Variants in CACNA2D3 observed in about 807,000 individuals in gnomAD.
CACNA2D3 encodes voltage-dependent calcium channel subunit alpha-2/delta-3.
A neutral mutation model predicts 160.6 loss-of-function variants in CACNA2D3; 60 were observed. The ratio of observed to expected loss-of-function variants is 0.37; its 90% CI spans 0.30 to 0.46. The LOEUF is 0.46. Ranked by LOEUF, CACNA2D3 falls within the 20% of genes least tolerant of loss-of-function variation. The pLI is 1.00. For missense variants in CACNA2D3, 1,205 were observed against 1,365.0 expected (o/e 0.88, Z 1.85); for synonymous variants, 558 against 492.9 (o/e 1.13, Z -1.75).
intron 2 of CACNA2D3, among the ~76,000 whole-genome samples, chr3:54,266,302 T>A (rs1189887651): frequency 6.6e-6 from 1 of 152,160 alleles, no homozygotes; most frequent in African/African-American, 2.4e-5. Flanking sequence ...CCATAATAAA[T>A]TTACAAATAT....
intron 11 of CACNA2D3, among the ~76,000 whole-genome samples, chr3:54,651,487 G>A (rs1699763306): frequency 6.6e-6 from 1 of 151,944 alleles, no homozygotes; most frequent in South Asian, 2.1e-4. Flanking sequence ...CAGGGCTGCT[G>A]GAGGATCCTT....
intron 11 of CACNA2D3, among the ~76,000 whole-genome samples, chr3:54,665,869 A>T (rs1241071128): frequency 1.3e-5 from 2 of 150,880 alleles, no homozygotes; most frequent in Non-Finnish European, 2.9e-5. Flanking sequence ...CTGCACAATC[A>T]TGGCTCACTG....
At chr3:55,026,993 A>G (rs539883383) in intron 35 of CACNA2D3, among the ~76,000 whole-genome samples, 3 of 151,540 alleles carry the variant, frequency 2.0e-5, no homozygotes, top group South Asian at 2.1e-4. Flanking sequence ...GCATGCACGC[A>G]CACACACACA....
Position 54,752,649 on chromosome 3 carries a change from T to C in CACNA2D3, c.1218T>C (p.Asn406=). Residue 406 remains asparagine (N), a synonymous_variant, in exon 12 of 38, where the codon AAT becomes AAC. Coordinates refer to ENST00000474759, the MANE Select transcript of CACNA2D3 (RefSeq NM_018398.3). ...LIGREAAFAD[N]LKWMACANKG... Reference sequence around the variant, plus strand: ...GACGAGAGGCTGCGTTTGCAGACAATCTAAAGTGGATGGCCTGTGCCAACA... The same window carrying C: ...GACGAGAGGCTGCGTTTGCAGACAACCTAAAGTGGATGGCCTGTGCCAACA... 6.2e-7 allele frequency: 1 copy of C among 1,613,376 alleles called. No individual in the cohort carries two copies. The highest frequency in any genetic ancestry group is 8.5e-7 in the Non-Finnish European group (1 of 1,179,724).
intron 11 of CACNA2D3, among the ~76,000 whole-genome samples, chr3:54,702,503 C>A: frequency 6.6e-6 from 1 of 152,172 alleles, no homozygotes; most frequent in East Asian, 1.9e-4. Context: ...AAATGCTCAA[C>A]ATCACTAATG....
At chr3:54,553,277 A>G (rs1296473150) in intron 5 of CACNA2D3, among the ~76,000 whole-genome samples, 1 of 152,230 alleles carries the variant, frequency 6.6e-6, no homozygotes, top group Non-Finnish European at 1.5e-5. Context: ...TCATTATTTA[A>G]TCTATGATCT....
intron 13 of CACNA2D3, among the ~76,000 whole-genome samples, chr3:54,816,291 A>T (rs1302222218): frequency 6.6e-6 from 1 of 152,222 alleles, no homozygotes; most frequent in Non-Finnish European, 1.5e-5. Flanking sequence ...ACCTTTATAT[A>T]CAGCAGGGTT....
intron 11 of CACNA2D3, among the ~76,000 whole-genome samples, chr3:54,676,931 C>T (rs1054727977): frequency 3.3e-5 from 5 of 152,104 alleles, no homozygotes; most frequent in Non-Finnish European, 5.9e-5. Context: ...AGTCAGATGT[C>T]CGTAATGCAT....
At chr3:54,196,724 A>C (rs2107344292) in intron 2 of CACNA2D3, among the ~76,000 whole-genome samples, 1 of 152,332 alleles carries the variant, frequency 6.6e-6, no homozygotes, top group South Asian at 2.1e-4. Context: ...AAATAATGAC[A>C]TTTCCAGGCT....
chr3:54,423,897 T>A (rs1043403021), intron 4 of CACNA2D3, among the ~76,000 whole-genome samples: 166 of 151,424 alleles, frequency 1.1e-3, no homozygotes, highest in African/African-American at 3.3e-3. Flanking sequence ...ATTCTTATTT[T>A]TTTTTTTTTT....
chr3:55,068,891 G>A lies in CACNA2D3; in HGVS notation c.2988-4554G>A, dbSNP rs76837687. Among the ~76,000 whole-genome samples, 485 of 152,250 alleles carry A rather than the reference G, an allele frequency of 3.2e-3. 3 individuals are homozygous for A. The highest frequency in any genetic ancestry group is 0.011 in the African/African-American group (447 of 41,552). On this transcript the variant is annotated intron_variant, in intron 35 of 37. Transcript: ENST00000474759. ...TGAGAAGTAAAACTACAGAGAAATA[G>A]GGTGTAAAAGATTTCCACTATAATA...
intron 2 of CACNA2D3, among the ~76,000 whole-genome samples, chr3:54,160,117 C>T (rs530006497): frequency 6.6e-6 from 1 of 152,152 alleles, no homozygotes; most frequent in Non-Finnish European, 1.5e-5. Flanking sequence ...TCTCTTCTGG[C>T]AGTGGTTTTC....
chr3:54,802,527 C>T (rs1021855792), intron 13 of CACNA2D3, among the ~76,000 whole-genome samples: 6 of 152,150 alleles, frequency 3.9e-5, no homozygotes, highest in Non-Finnish European at 8.8e-5. Context: ...TGTTGAATCC[C>T]TTTATTTGTA....
intron 11 of CACNA2D3, among the ~76,000 whole-genome samples, chr3:54,679,758 GT>G (rs1196870829): frequency 6.6e-6 from 1 of 152,254 alleles, no homozygotes; most frequent in Non-Finnish European, 1.5e-5. Context: ...TCAGTGTTGA[GT>G]AGGTGAATAT....
At chr3:54,161,274 T>G (rs1011212716) in intron 2 of CACNA2D3, among the ~76,000 whole-genome samples, 8 of 152,148 alleles carry the variant, frequency 5.3e-5, no homozygotes, top group African/African-American at 1.9e-4. Context: ...CTTCACCAGA[T>G]CCTTACACTG....
At chr3:54,317,955 C>T (rs1036155197) in intron 2 of CACNA2D3, among the ~76,000 whole-genome samples, 35 of 152,218 alleles carry the variant, frequency 2.3e-4, no homozygotes, top group African/African-American at 8.4e-4. Context: ...CTTATTAGGC[C>T]CCATCTCCCA....
chr3:54,586,776 T>C (rs1162284579), intron 9 of CACNA2D3, among the ~76,000 whole-genome samples: 1 of 152,162 alleles, frequency 6.6e-6, no homozygotes, highest in Admixed American at 6.5e-5. Flanking sequence ...TCCTGGGTCA[T>C]AGTAGAAACC....
At chr3:54,697,241 G>A (rs1559552324) in intron 11 of CACNA2D3, among the ~76,000 whole-genome samples, 1 of 152,134 alleles carries the variant, frequency 6.6e-6, no homozygotes, top group Non-Finnish European at 1.5e-5. Flanking sequence ...TTGCACCACT[G>A]TACTCCAACC....
At chr3:54,143,949 C>A (rs1699980959) in intron 2 of CACNA2D3, among the ~76,000 whole-genome samples, 1 of 152,136 alleles carries the variant, frequency 6.6e-6, no homozygotes, top group African/African-American at 2.4e-5. Context: ...CAGATTCAGG[C>A]AGTACTGTAG....
Sources: gnomAD v4.1 joint callset for allele counts (sites outside exome capture counted in the v4.1 genomes callset) on GRCh38, gnomAD v4.1.1 for gene constraint, MANE v1.5 for transcripts, NCBI Gene and HGNC (gene_info 2026-07-23, HGNC 2026-07-21) for gene names.